The following CNTN3 variants were observed in gnomAD, a reference collection of about 807,000 sequenced individuals.
The protein encoded by CNTN3 is contactin 3.
A neutral mutation model predicts 119.1 loss-of-function variants in CNTN3; 60 were observed. That is an observed-to-expected ratio of 0.50 (90% CI 0.41 to 0.62). The LOEUF (loss-of-function observed/expected upper bound fraction) is 0.62, where lower values mean the gene tolerates loss of function less well. Among genes scored for constraint, CNTN3 ranks in the 20% least tolerant of loss-of-function variants. CNTN3 has a pLI of 0.00. For synonymous variants in CNTN3, 450 were observed against 438.7 expected, an observed-to-expected ratio of 1.03 and a Z score of -0.32; for missense variants, 1,101 against 1,242.4, an observed-to-expected ratio of 0.89 and a Z score of 1.71.
At chr3:74,429,186 A>G (rs1218023809) in intron 4 of CNTN3, among the ~76,000 whole-genome samples, 1 of 152,082 alleles carries the variant, frequency 6.6e-6, no homozygotes, top group East Asian at 1.9e-4. Context: ...GTAGATAAAG[A>G]CAAGCTTATT....
At chr3:74,587,931 T>C (rs138518647) in intron 1 of CNTN3, among the ~76,000 whole-genome samples, 2,498 of 152,232 alleles carry the variant, frequency 0.016, 70 homozygotes, top group African/African-American at 0.057. Context: ...GGCTGTGGGT[T>C]TGTCATAGAT....
intron 13 of CNTN3, among the ~76,000 whole-genome samples, chr3:74,314,961 G>C (rs1233298456): frequency 6.6e-6 from 1 of 152,156 alleles, no homozygotes; most frequent in African/African-American, 2.4e-5. Flanking sequence ...TGAGACAGGA[G>C]GTTGACACAA....
chr3:74,447,595 T>C (rs1425499584), intron 4 of CNTN3, among the ~76,000 whole-genome samples: 3 of 151,882 alleles, frequency 2.0e-5, no homozygotes, highest in Admixed American at 6.6e-5. Context: ...CTCCAAAACA[T>C]GTCAAGTTGA....
intron 5 of CNTN3, among the ~76,000 whole-genome samples, chr3:74,408,558 G>A (rs1282854083): frequency 2.0e-5 from 3 of 152,110 alleles, no homozygotes; most frequent in Non-Finnish European, 4.4e-5. Flanking sequence ...TTGGATCCTT[G>A]TCAATGCATT....
intron 1 of CNTN3, among the ~76,000 whole-genome samples, chr3:74,608,421 A>T (rs1330653568): frequency 6.6e-6 from 1 of 152,168 alleles, no homozygotes; most frequent in Non-Finnish European, 1.5e-5. Context: ...TTCATACGCT[A>T]ATGTTTCACT....
At chr3:74,264,583 T>G in intron 22 of CNTN3, 82 bp from the exon 23 acceptor site, 1 of 826,408 alleles carries the variant, frequency 1.2e-6, no homozygotes, top group Non-Finnish European at 1.9e-6. Context: ...ATTTGTGGTG[T>G]TCCCCCCAAA....
chr3:74,377,765 T>C (rs1435399135), intron 5 of CNTN3, among the ~76,000 whole-genome samples: 1 of 152,174 alleles, frequency 6.6e-6, no homozygotes, highest in Non-Finnish European at 1.5e-5. Flanking sequence ...TTCTAAAAAG[T>C]AATATGTGAT....
At chr3:74,334,628 T>C (rs1460620559) in intron 13 of CNTN3, 107 bp downstream of exon 13, 6 of 1,034,348 alleles carry the variant, frequency 5.8e-6, no homozygotes, top group Non-Finnish European at 8.4e-6. Context: ...AAACCACTTA[T>C]TTAGAAAACA....
At chr3:74,390,369 C>CA (rs369168759) in intron 5 of CNTN3, among the ~76,000 whole-genome samples, 28 of 123,276 alleles carry the variant, frequency 2.3e-4, no homozygotes, top group Non-Finnish European at 4.0e-4. Context: ...TGAGAGTATG[C>CA]TTTTTTTTTT....
chr3:74,491,186 G>T (rs1169880146), intron 3 of CNTN3, among the ~76,000 whole-genome samples: 1 of 152,098 alleles, frequency 6.6e-6, no homozygotes, highest in East Asian at 1.9e-4. Context: ...AGTATGTCTA[G>T]TATTTTCATT....
intron 1 of CNTN3, among the ~76,000 whole-genome samples, chr3:74,581,708 T>C (rs1384300044): frequency 1.3e-5 from 2 of 152,136 alleles, no homozygotes; most frequent in Non-Finnish European, 2.9e-5. Flanking sequence ...TTACACTAAC[T>C]GATTTCTACC....
chr3:74,603,531 C>T (rs1704945089), intron 1 of CNTN3, among the ~76,000 whole-genome samples: 1 of 152,096 alleles, frequency 6.6e-6, no homozygotes, highest in Non-Finnish European at 1.5e-5. Flanking sequence ...TGCTAGAAGC[C>T]ACTGAGATTT....
intron 1 of CNTN3, among the ~76,000 whole-genome samples, chr3:74,526,972 G>A (rs1281173391): frequency 6.6e-6 from 1 of 151,810 alleles, no homozygotes; most frequent in Non-Finnish European, 1.5e-5. Context: ...TATCTCTGCA[G>A]TCCAAATGCA....
chr3:74,288,253 G>T (rs919680868), intron 19 of CNTN3, among the ~76,000 whole-genome samples: 22 of 149,266 alleles, frequency 1.5e-4, no homozygotes, highest in Non-Finnish European at 3.2e-4. Flanking sequence ...CCACCTCCTG[G>T]GTTCAAGCAA....
intron 4 of CNTN3, among the ~76,000 whole-genome samples, chr3:74,480,191 C>A (rs537335397): frequency 1.3e-5 from 2 of 151,946 alleles, no homozygotes; most frequent in Admixed American, 1.3e-4. Context: ...GTATTCTTCC[C>A]ATCTTCTAGT....
At chr3:74,457,368 C>G (rs1702289468) in intron 4 of CNTN3, among the ~76,000 whole-genome samples, 1 of 151,914 alleles carries the variant, frequency 6.6e-6, no homozygotes, top group Non-Finnish European at 1.5e-5. Context: ...TTACAAGTAA[C>G]TGGTCAAAAC....
At chr3:74,354,556 G>C (rs1703889880) in intron 11 of CNTN3, among the ~76,000 whole-genome samples, 1 of 151,972 alleles carries the variant, frequency 6.6e-6, no homozygotes, top group Non-Finnish European at 1.5e-5. Flanking sequence ...GTGAATGAAT[G>C]AATGAAATAG....
intron 20 of CNTN3, among the ~76,000 whole-genome samples, chr3:74,284,263 C>T (rs534069154): frequency 5.0e-4 from 76 of 152,130 alleles, no homozygotes; most frequent in African/African-American, 1.7e-3. Context: ...AACAGAAATG[C>T]GTCAATGAAA....
chr3:74,345,681 C>T (rs1703672772), intron 11 of CNTN3, among the ~76,000 whole-genome samples: 2 of 152,138 alleles, frequency 1.3e-5, no homozygotes, highest in East Asian at 1.9e-4. Flanking sequence ...TCTCTGTGGG[C>T]ATCCACTGGA....
Sources: gnomAD v4.1 joint callset for allele counts (sites outside exome capture counted in the v4.1 genomes callset) on GRCh38, gnomAD v4.1.1 for gene constraint, MANE v1.5 for transcripts, NCBI Gene and HGNC (gene_info 2026-07-23, HGNC 2026-07-21) for gene names.